Variants in HOXC5 observed in about 807,000 individuals in gnomAD.
HOXC5 encodes the protein homeobox C5.
Under a neutral mutation model 20.1 loss-of-function variants are expected in HOXC5, and 19 were observed. The observed-to-expected ratio is 0.94, with a 90% CI of 0.66 to 1.38. HOXC5 has a LOEUF of 1.38. Among genes scored for constraint, HOXC5 ranks in the 40% most tolerant of loss-of-function variants. HOXC5 has a pLI of 0.00. For synonymous variants in HOXC5, 124 were observed against 117.0 expected (o/e 1.06, Z -0.39); for missense variants, 330 against 300.1 (o/e 1.10, Z -0.74).
chr12:54,025,945 C>G, the HOXC5 span, among the ~76,000 whole-genome samples: 3 of 152,266 alleles, frequency 2.0e-5, no homozygotes, highest in East Asian at 1.9e-4. Context: ...TTCCCTCCCC[C>G]ACCCAGACAT....
the HOXC5 span, among the ~76,000 whole-genome samples, chr12:54,026,880 C>A: frequency 1.3e-5 from 2 of 151,646 alleles, no homozygotes; most frequent in Admixed American, 1.3e-4. Flanking sequence ...CTTTGTTACA[C>A]AGAAGGAAAA....
At chr12:54,024,935 T>C in the HOXC5 span, among the ~76,000 whole-genome samples, 1 of 152,252 alleles carries the variant, frequency 6.6e-6, no homozygotes, top group Non-Finnish European at 1.5e-5. Flanking sequence ...TGGCAATTTT[T>C]CCCTTGTATT....
chr12:54,033,699 A>C, intron 1 of HOXC5, 123 bp downstream of exon 1: 2 of 833,838 alleles, frequency 2.4e-6, no homozygotes, highest in South Asian at 1.9e-5. Flanking sequence ...ATGGCTCGTA[A>C]AACTGTCCAC....
the HOXC5 span, among the ~76,000 whole-genome samples, chr12:54,026,974 G>C: frequency 3.8e-4 from 51 of 132,920 alleles, 1 homozygote; most frequent in Non-Finnish European, 6.6e-4. Flanking sequence ...TGGGGGGGGG[G>C]GGATATGAGC....
the HOXC5 span, chr12:54,020,801 A>G: frequency 6.6e-6 from 1 of 152,144 alleles, no homozygotes. Context: ...CCAGTAACCA[A>G]TGGATGCCAT....
the HOXC5 span, among the ~76,000 whole-genome samples, chr12:54,018,101 C>T: frequency 6.6e-6 from 1 of 152,064 alleles, no homozygotes; most frequent in Non-Finnish European, 1.5e-5. Flanking sequence ...CTCCCGCCCC[C>T]ACTCGGGCGG....
chr12:54,017,003 AT>A, the HOXC5 span: 1 of 141,834 alleles, frequency 7.1e-6, no homozygotes, highest in African/African-American at 2.6e-5. Flanking sequence ...TTTTTCCCCC[AT>A]TTAATTTTTT....
At chr12:54,028,319 C>G (rs1473149757), upstream of HOXC5, 3 of 533,304 alleles carry the variant, frequency 5.6e-6, no homozygotes, top group Admixed American at 9.9e-5. Flanking sequence ...TTAGTCTCAA[C>G]TAGGGAATCA....
rs1941129763 is a variant in HOXC5 at position 54,034,543 on chromosome 12, G to GCGCCTTTCCTTTT, written c.*62_*74dup. On this transcript the variant is annotated 3_prime_UTR_variant, in exon 2 of 2. Coordinates refer to ENST00000312492, the MANE Select transcript of HOXC5 (RefSeq NM_018953.4). ...GCGCCCCTAGCCGGTTCCTGTCCCT[G>GCGCCTTTCCTTTT]CGCCTTTCCTTTTCGCCTTTCCTCT... is the stretch of plus-strand genomic sequence containing the variant. The GCGCCTTTCCTTTT allele has an allele frequency of 2.0e-6, 3 of 1,473,614 alleles. No individual in the cohort carries two copies. Among genetic ancestry groups the GCGCCTTTCCTTTT allele is most frequent in the South Asian group, 1.1e-5 (1 of 87,182 alleles). The allele number at this position is 1,473,614 out of a possible 1,614,324, so 91.3% of individuals were successfully genotyped here.
At chr12:54,018,101 C>A in the HOXC5 span, among the ~76,000 whole-genome samples, 4 of 152,064 alleles carry the variant, frequency 2.6e-5, no homozygotes, top group Non-Finnish European at 4.4e-5. Context: ...CTCCCGCCCC[C>A]ACTCGGGCGG....
At chr12:54,020,768 A>T in the HOXC5 span, 1 of 152,282 alleles carries the variant, frequency 6.6e-6, no homozygotes. Context: ...ATATGTGCTC[A>T]CTGGAATCGG....
In HOXC5 at chr12:54,033,517, G is replaced by T; in HGVS notation, c.395G>T (p.Ser132Ile). The T allele has an allele frequency of 1.3e-6, 2 of 1,578,230 alleles. No homozygotes were observed. The part of the protein sequence containing the change: ...QAQTGQPAGL[S>I]QPPAPPQIYP... ...CAGACAGGGCAGCCCGCCGGACTGA[G>T]CCAGCCACCGGCCCCGCCACAGATT... is the stretch of plus-strand genomic sequence containing the variant. The change falls in exon 1 of 2, where the codon AGC becomes ATC. Residue 132 changes from serine (S) to isoleucine (I), a missense_variant. Ser to Ile is a moderately radical substitution (Grantham distance 142). Transcript: ENST00000312492.
upstream of HOXC5, among the ~76,000 whole-genome samples, chr12:54,031,894 A>G (rs1592236297): frequency 6.6e-6 from 1 of 152,162 alleles, no homozygotes; most frequent in East Asian, 1.9e-4. Flanking sequence ...TCCTCTTGGT[A>G]GCTCAGAAAT....
chr12:54,028,360 C>G (rs1484060250), upstream of HOXC5: 1 of 683,534 alleles, frequency 1.5e-6, no homozygotes, highest in African/African-American at 1.8e-5. Context: ...TTTCCCCCTT[C>G]CTGACATCTG....
the HOXC5 span, chr12:54,020,341 C>CG: frequency 6.6e-6 from 1 of 151,668 alleles, no homozygotes; most frequent in African/African-American, 2.4e-5. Context: ...GGCTTGCCTG[C>CG]CCCCCTTATA....
upstream of HOXC5, among the ~76,000 whole-genome samples, chr12:54,029,242 G>A (rs996816155): frequency 2.6e-5 from 4 of 152,226 alleles, no homozygotes; most frequent in Non-Finnish European, 4.4e-5. Flanking sequence ...AAGGGAGGGG[G>A]AGAGGAGAGG....
At chr12:54,027,714 C>T in the HOXC5 span, among the ~76,000 whole-genome samples, 2 of 152,120 alleles carry the variant, frequency 1.3e-5, no homozygotes, top group African/African-American at 4.8e-5. Flanking sequence ...GAGAAGGAGG[C>T]AGAAGGGAGC....
the HOXC5 span, among the ~76,000 whole-genome samples, chr12:54,025,677 G>A: frequency 1.3e-5 from 2 of 151,940 alleles, no homozygotes; most frequent in African/African-American, 2.4e-5. Flanking sequence ...ATAAATCGGC[G>A]AGACCTTTCA....
the HOXC5 span, chr12:54,020,013 C>A: frequency 6.6e-6 from 1 of 152,260 alleles, no homozygotes; most frequent in Non-Finnish European, 1.5e-5. Context: ...GACTCCAACA[C>A]CAACTCTCTG....
Sources: gnomAD v4.1 joint callset for allele counts (sites outside exome capture counted in the v4.1 genomes callset) on GRCh38, gnomAD v4.1.1 for gene constraint, MANE v1.5 for transcripts, NCBI Gene and HGNC (gene_info 2026-07-23, HGNC 2026-07-21) for gene names.